The following ABCB11 variants were observed in gnomAD, a reference collection of about 807,000 sequenced individuals.
ABCB11 encodes the protein bile salt export pump.
ABCB11 carries 95 observed loss-of-function variants against 148.0 expected under a neutral mutation model. The ratio of observed to expected loss-of-function variants is 0.64; its 90% confidence interval spans 0.54 to 0.76. ABCB11 has a LOEUF of 0.76. Ranked by LOEUF, ABCB11 falls within the 30% of genes least tolerant of loss-of-function variation. ABCB11 has a pLI of 0.00. For missense variants in ABCB11, 1,523 were observed against 1,617.8 expected (o/e 0.94, Z 1.01); for synonymous variants, 591 against 555.4 (o/e 1.06, Z -0.90).
intron 19 of ABCB11, among the ~76,000 whole-genome samples, chr2:168,947,571 CT>C (rs1306360949): frequency 6.6e-6 from 1 of 151,576 alleles, no homozygotes; most frequent in Non-Finnish European, 1.5e-5. Context: ...ATATTGTGCC[CT>C]TTAGGTATGT....
At chr2:169,003,375 A>G (rs7566645) in intron 5 of ABCB11, among the ~76,000 whole-genome samples, 1 of 138,736 alleles carries the variant, frequency 7.2e-6, no homozygotes, top group Non-Finnish European at 1.6e-5. Context: ...CACACACACA[A>G]AAACATATTA....
intron 19 of ABCB11, among the ~76,000 whole-genome samples, chr2:168,957,676 A>T (rs1310920020): frequency 6.6e-6 from 1 of 151,652 alleles, no homozygotes; most frequent in African/African-American, 2.4e-5. Context: ...TTTGATATAC[A>T]TTACTAGAAA....
chr2:169,009,474 G>A (rs13413844), intron 5 of ABCB11, among the ~76,000 whole-genome samples: 18,446 of 150,204 alleles, frequency 0.12, 1,842 homozygotes, highest in African/African-American at 0.28. Flanking sequence ...AAACTATCGC[G>A]AGGACAAAAA....
rs1356546823 is a variant in ABCB11 at position 168,921,057 on chromosome 2, C to G, written c.*2565G>C. On this transcript the variant is annotated 3_prime_UTR_variant, in exon 28 of 28. Coordinates refer to ENST00000650372, the MANE Select transcript of ABCB11 (RefSeq NM_003742.4). ...TGCAAACCAAAACAAGAGCTTTAGTCTTTCATCAAAATTAGAGGATTAGCA... is the reference window on the plus strand; with the variant it reads ...TGCAAACCAAAACAAGAGCTTTAGTGTTTCATCAAAATTAGAGGATTAGCA... 6.6e-6 allele frequency among the ~76,000 whole-genome samples: 1 copy of G among 152,184 alleles called. No individual in the cohort carries two copies.
intron 8 of ABCB11, among the ~76,000 whole-genome samples, chr2:168,991,423 C>A (rs529067563): frequency 6.6e-6 from 1 of 152,026 alleles, no homozygotes; most frequent in South Asian, 2.1e-4. Flanking sequence ...CAGTTGGAGA[C>A]GCTCAACTAT....
chr2:169,000,966 C>T (rs13400716), intron 5 of ABCB11, among the ~76,000 whole-genome samples: 17,544 of 152,032 alleles, frequency 0.12, 1,559 homozygotes, highest in African/African-American at 0.25. Flanking sequence ...TTATCTATAG[C>T]GTTTTTAAGT....
intron 19 of ABCB11, among the ~76,000 whole-genome samples, chr2:168,955,960 T>C (rs750304576): frequency 9.9e-5 from 15 of 151,656 alleles, no homozygotes; most frequent in Non-Finnish European, 1.6e-4. Context: ...AGCTCCAAAA[T>C]AATCTTTTTT....
rs1186757783 is a variant in ABCB11, at chr2:168,978,161, T to C, written c.1198-1474A>G. On this transcript the variant is annotated intron_variant, in intron 11 of 27. Transcript: ENST00000650372. ...TTTTTTTTTTTTTTTTTTTTTTTTTTCAGAGACAGGGTTTCACTCTGTCAC... is the reference window on the plus strand; with the variant it reads ...TTTTTTTTTTTTTTTTTTTTTTTTTCCAGAGACAGGGTTTCACTCTGTCAC... Among the ~76,000 whole-genome samples the C allele has an allele frequency of 1.3e-4, 17 of 132,520 alleles. No individual in the cohort carries two copies. The South Asian group carries it at 1.7e-3, about 13-fold the overall frequency. The allele number at this position is 132,520 out of a possible 152,430, so 86.9% of individuals were successfully genotyped here.
intron 8 of ABCB11, among the ~76,000 whole-genome samples, chr2:168,992,984 A>C (rs1694586430): frequency 6.6e-6 from 1 of 151,952 alleles, no homozygotes; most frequent in Non-Finnish European, 1.5e-5. Flanking sequence ...GGCTGCTCTA[A>C]TAATAATTTC....
At chr2:168,984,948 A>G (rs903870754) in intron 10 of ABCB11, among the ~76,000 whole-genome samples, 3 of 152,150 alleles carry the variant, frequency 2.0e-5, no homozygotes, top group African/African-American at 7.2e-5. Flanking sequence ...TAATTAAACT[A>G]AAGAGGTTTT....
In ABCB11 at chr2:168,930,842, A is replaced by T; in HGVS notation, c.3234T>A (p.Ile1078=). The T allele has an allele frequency of 6.2e-7, 1 of 1,603,918 alleles. No individual in the cohort carries two copies. Among genetic ancestry groups the T allele is most frequent in the Non-Finnish European group, 8.5e-7 (1 of 1,175,228 alleles). Residue 1078 remains isoleucine (I), a synonymous_variant, in exon 25 of 28, where the codon ATT becomes ATA. Coordinates refer to ENST00000650372, the MANE Select transcript of ABCB11 (RefSeq NM_003742.4). The stretch of plus-strand genomic sequence containing the variant: ...ATGTAAATTTACAATCAACAAAATC[A>T]ATCTTCCCCTGGAAGTTGTCCTGTG... ...GEKWDNFQGK[I]DFVDCKFTYP...
rs754409411 is a variant in ABCB11 at position 168,986,083 on chromosome 2, A to G, written c.1083+27T>C. 3.3e-6 allele frequency: 5 copies of G among 1,497,262 alleles called. No homozygotes were observed. The African/African-American group carries it at 5.6e-5, about 17-fold the overall frequency. The allele number at this position is 1,497,262 out of a possible 1,614,324, so 92.7% of individuals were successfully genotyped here. A position where few individuals can be genotyped will look rare whatever the true frequency, so the allele number is the denominator to read the frequency against. ...TTCTGAGATACCAGAAGGAAATGCT[A>G]TGTCTCGGTCAATAAGTCCAAGGTA... On this transcript the variant is annotated intron_variant, in intron 10 of 27. Coordinates refer to ENST00000650372, the MANE Select transcript of ABCB11 (RefSeq NM_003742.4).
At chr2:168,954,680 A>T (rs1692714465) in intron 19 of ABCB11, among the ~76,000 whole-genome samples, 1 of 151,692 alleles carries the variant, frequency 6.6e-6, no homozygotes, top group African/African-American at 2.4e-5. Context: ...GACTTTAGAC[A>T]TTCTGAACAT....
At chr2:168,947,821 C>G (rs946409378) in intron 19 of ABCB11, among the ~76,000 whole-genome samples, 4 of 151,690 alleles carry the variant, frequency 2.6e-5, no homozygotes, top group African/African-American at 9.7e-5. Context: ...GGTCCTGCAG[C>G]CCTTAAGTCT....
intron 1 of ABCB11, among the ~76,000 whole-genome samples, chr2:169,026,113 C>T (rs1344880950): frequency 6.6e-6 from 1 of 152,172 alleles, no homozygotes; most frequent in Admixed American, 6.5e-5. Flanking sequence ...ATAAATTGAC[C>T]TTGCATTGAC....
At chr2:168,994,443 C>CTCT (rs1303678579) in intron 7 of ABCB11, among the ~76,000 whole-genome samples, 1 of 152,102 alleles carries the variant, frequency 6.6e-6, no homozygotes. Flanking sequence ...TGAATACAGA[C>CTCT]TCTTGTTGGG....
chr2:169,015,556 G>C (rs1210279895), intron 3 of ABCB11, among the ~76,000 whole-genome samples: 1 of 151,914 alleles, frequency 6.6e-6, no homozygotes, highest in Non-Finnish European at 1.5e-5. Flanking sequence ...TTCTCCCCAG[G>C]TGCATTTTCT....
At chr2:168,927,427 T>A in intron 25 of ABCB11, 65 bp from the exon 26 acceptor site, 1 of 1,362,402 alleles carries the variant, frequency 7.3e-7, no homozygotes, top group Non-Finnish European at 1.0e-6. Flanking sequence ...AAAGTTCATA[T>A]TCTAGCATTA....
intron 5 of ABCB11, among the ~76,000 whole-genome samples, chr2:169,012,142 T>C (rs148441621): frequency 1.3e-5 from 2 of 152,292 alleles, no homozygotes; most frequent in East Asian, 1.9e-4. Context: ...ATCAAGCCTA[T>C]AGAAAATTTC....
Sources: gnomAD v4.1 joint callset for allele counts (sites outside exome capture counted in the v4.1 genomes callset) on GRCh38, gnomAD v4.1.1 for gene constraint, MANE v1.5 for transcripts, NCBI Gene and HGNC (gene_info 2026-07-23, HGNC 2026-07-21) for gene names.